Variants in VAV2 observed in about 807,000 individuals in gnomAD.
The protein encoded by VAV2 is vav guanine nucleotide exchange factor 2.
Under a neutral mutation model 132.5 loss-of-function variants are expected in VAV2, and 67 were observed. The ratio of observed to expected loss-of-function variants is 0.51; its 90% CI spans 0.42 to 0.62. The LOEUF (loss-of-function observed/expected upper bound fraction) is 0.62. VAV2 is among the 20% of genes least tolerant of loss of function. The pLI, the probability that VAV2 is intolerant of heterozygous loss-of-function variation, is 0.00. For synonymous variants in VAV2, 492 were observed against 443.5 expected, an observed-to-expected ratio of 1.11 and a Z score of -1.37; for missense variants, 938 against 1,153.6, an observed-to-expected ratio of 0.81 and a Z score of 2.71.
chr9:133,856,739 T>C (rs1837399133), intron 3 of VAV2, among the ~76,000 whole-genome samples: 1 of 152,188 alleles, frequency 6.6e-6, no homozygotes, highest in Non-Finnish European at 1.5e-5. Flanking sequence ...AATTTGTCCC[T>C]TACCTTTTCC....
Position 133,785,768 on chromosome 9 carries a change from G to A in VAV2, c.1532+8C>T. The A allele has an allele frequency of 1.9e-6, 3 of 1,613,210 alleles. No individual in the cohort carries two copies. The highest frequency in any genetic ancestry group is 2.5e-6 in the Non-Finnish European group (3 of 1,179,566). On this transcript the variant is annotated splice_region_variant and intron_variant, in intron 17 of 29. Transcript: ENST00000371850. ...CAGGGACCTGGGGGCTGCCGCCCTG[G>A]AACTCACATGGCCATCTCAAACTGC...
In VAV2 at chr9:133,840,800, T is replaced by A. The variant is rs951928129; in HGVS notation, c.381-6460A>T. Among the ~76,000 whole-genome samples the A allele has an allele frequency of 6.6e-6, 1 of 152,202 alleles. No individual in the cohort carries two copies. Among genetic ancestry groups the A allele is most frequent in the Admixed American group, 6.5e-5 (1 of 15,274 alleles). ...CTCCTATCCTTGCCCTCAGGACTTC[T>A]GTGAAAATCTGCTAGAAACGATGGC... is the stretch of plus-strand genomic sequence containing the variant. On this transcript the variant is annotated intron_variant, in intron 3 of 29. Transcript: ENST00000371850. The surrounding 1 kb of genome is among the most constrained non-coding windows in gnomAD (Gnocchi z 4.5).
intron 1 of VAV2, among the ~76,000 whole-genome samples, chr9:133,945,221 G>GAA (rs1319096338): frequency 6.6e-6 from 1 of 152,218 alleles, no homozygotes; most frequent in Non-Finnish European, 1.5e-5. Flanking sequence ...TCTGGGCAGG[G>GAA]AAATCCCATT....
At chr9:133,899,540 C>T (rs72762886) in intron 2 of VAV2, among the ~76,000 whole-genome samples, 22,844 of 151,534 alleles carry the variant, frequency 0.15, 1,884 homozygotes, top group South Asian at 0.2. Context: ...TCCCAAGTAG[C>T]AAGAAGCTGG....
intron 2 of VAV2, among the ~76,000 whole-genome samples, chr9:133,909,659 TC>T (rs147099092): frequency 0.76 from 115,820 of 151,860 alleles, 45,023 homozygotes; most frequent in East Asian, 0.99. Flanking sequence ...GACTAGATGG[TC>T]CGACTGGGCA....
chr9:133,971,015 A>AAT (rs895649950), intron 1 of VAV2, among the ~76,000 whole-genome samples: 26 of 152,236 alleles, frequency 1.7e-4, no homozygotes, highest in African/African-American at 5.8e-4. Context: ...TGAAATAAAA[A>AAT]ATATATATAT....
intron 2 of VAV2, among the ~76,000 whole-genome samples, chr9:133,908,942 T>C (rs371639136): frequency 6.6e-6 from 1 of 152,302 alleles, no homozygotes; most frequent in East Asian, 1.9e-4. Context: ...GCTCCCAGAA[T>C]CTCCACACAG....
At chr9:133,819,158 C>T (rs192389593) in intron 4 of VAV2, among the ~76,000 whole-genome samples, 26 of 151,626 alleles carry the variant, frequency 1.7e-4, no homozygotes, top group Non-Finnish European at 2.4e-4. Flanking sequence ...CCCGGGGCAC[C>T]GAGGTTAAAA....
intron 2 of VAV2, among the ~76,000 whole-genome samples, chr9:133,903,323 G>C (rs959068316): frequency 6.6e-6 from 1 of 152,024 alleles, no homozygotes; most frequent in Non-Finnish European, 1.5e-5. Context: ...ACTGTCCCTC[G>C]GGCCCCTTCC....
intron 2 of VAV2, among the ~76,000 whole-genome samples, chr9:133,868,258 T>C (rs990783481): frequency 6.6e-6 from 1 of 152,198 alleles, no homozygotes; most frequent in Non-Finnish European, 1.5e-5. Context: ...AGGGGCAACC[T>C]GCCCACAGCA....
At chr9:133,894,329 A>G (rs1197401336) in intron 2 of VAV2, among the ~76,000 whole-genome samples, 1 of 152,232 alleles carries the variant, frequency 6.6e-6, no homozygotes, top group Non-Finnish European at 1.5e-5. Flanking sequence ...AACTGACCCA[A>G]GAAGGAGACC....
At chr9:133,946,563 A>G (rs1841367186) in intron 1 of VAV2, among the ~76,000 whole-genome samples, 1 of 152,208 alleles carries the variant, frequency 6.6e-6, no homozygotes, top group Non-Finnish European at 1.5e-5. Context: ...GAAATACTTC[A>G]ACAAGTGTCA....
In VAV2 at chr9:133,784,426, G is replaced by C. The variant is rs748269402; in HGVS notation, c.1533-8C>G. ...TCTGGCTTGATGTTTGACCTGGCAGGAGGGAAAGAGAGCAGATGCTACACC... is the reference window on the plus strand; with the variant it reads ...TCTGGCTTGATGTTTGACCTGGCAGCAGGGAAAGAGAGCAGATGCTACACC... On this transcript the variant is annotated splice_polypyrimidine_tract_variant and splice_region_variant and intron_variant, in intron 17 of 29. Transcript: ENST00000371850. 57 of 1,613,866 alleles carry C rather than the reference G, an allele frequency of 3.5e-5. No individual in the cohort carries two copies. Among genetic ancestry groups the C allele is most frequent in the Non-Finnish European group, 4.7e-5 (55 of 1,179,838 alleles).
chr9:133,814,872 G>A (rs938193621), intron 4 of VAV2, among the ~76,000 whole-genome samples: 1 of 152,236 alleles, frequency 6.6e-6, no homozygotes, highest in Non-Finnish European at 1.5e-5. Context: ...CCGGGCTGCT[G>A]CAGGTCTCTC....
rs552810046 is a variant in VAV2, at chr9:133,833,173, C to T, written c.449+1099G>A. ...ATGAGACTGGGCCGCCAGCGTGGTG[C>T]CACATGCTGATATGGGGATGACTTG... is the stretch of plus-strand genomic sequence containing the variant. On this transcript the variant is annotated intron_variant, in intron 4 of 29. Transcript: ENST00000371850. This position sits in a 1 kb window ranked among gnomAD's most constrained non-coding sequence, Gnocchi z 5.6. Among the ~76,000 whole-genome samples the T allele has an allele frequency of 4.9e-4, 75 of 152,272 alleles. No individual in the cohort carries two copies. Among genetic ancestry groups the T allele is most frequent in the African/African-American group, 1.8e-3 (73 of 41,560 alleles).
At chr9:133,811,841 G>T (rs1835369499) in intron 5 of VAV2, among the ~76,000 whole-genome samples, 1 of 152,220 alleles carries the variant, frequency 6.6e-6, no homozygotes, top group Non-Finnish European at 1.5e-5. Context: ...GACCGTGGTG[G>T]TGTCATCTCT....
chr9:133,904,244 G>T (rs934986428), intron 2 of VAV2, among the ~76,000 whole-genome samples: 2 of 152,194 alleles, frequency 1.3e-5, no homozygotes, highest in Non-Finnish European at 2.9e-5. Flanking sequence ...ACACAGCTTT[G>T]TTCTTCTGGG....
Position 133,928,810 on chromosome 9 carries a change from C to T in VAV2, c.321+10293G>A, listed in dbSNP as rs553529251. 1.3e-5 allele frequency among the ~76,000 whole-genome samples: 2 copies of T among 152,182 alleles called. No homozygotes were observed. The highest frequency in any genetic ancestry group is 1.5e-5 in the Non-Finnish European group (1 of 68,040). ...TGAGACGGCATCTGGATACACTTGT[C>T]CAGCCCCAGACGCAGGGCAGGTGGA... is the stretch of plus-strand genomic sequence containing the variant. On this transcript the variant is annotated intron_variant, in intron 2 of 29. Coordinates refer to ENST00000371850, the MANE Select transcript of VAV2 (RefSeq NM_001134398.2). The surrounding 1 kb of genome is among the most constrained non-coding windows in gnomAD (Gnocchi z 5.4).
chr9:133,983,990 G>C (rs1842778871), intron 1 of VAV2, among the ~76,000 whole-genome samples: 1 of 151,802 alleles, frequency 6.6e-6, no homozygotes, highest in African/African-American at 2.4e-5. Context: ...TTTTTCTTTT[G>C]AGATGGAGTC....
Sources: allele counts gnomAD v4.1 joint callset (sites outside exome capture counted in the v4.1 genomes callset), GRCh38; gene constraint gnomAD v4.1.1; non-coding constraint Gnocchi (gnomAD v3.1); transcripts MANE v1.5; gene names NCBI Gene and HGNC (gene_info 2026-07-23, HGNC 2026-07-21).